Variants in PKHD1 observed in about 807,000 individuals in gnomAD.
The protein encoded by PKHD1 is PKHD1 ciliary IPT domain containing fibrocystin/polyductin.
A neutral mutation model predicts 412.0 loss-of-function variants in PKHD1; 291 were observed. The ratio of observed to expected loss-of-function variants is 0.71; its 90% CI spans 0.64 to 0.78. The LOEUF is 0.78. Among genes scored for constraint, PKHD1 ranks in the 30% least tolerant of loss-of-function variants. The probability of loss-of-function intolerance (pLI) is 0.00; values close to 1 mark genes in which losing one functional copy is unlikely to be tolerated. For synonymous variants in PKHD1, 1,777 were observed against 1,821.5 expected (o/e 0.98, Z 0.62); for missense variants, 4,825 against 4,950.7 (o/e 0.97, Z 0.76).
intron 52 of PKHD1, among the ~76,000 whole-genome samples, chr6:51,821,542 G>C (rs1401441792): frequency 1.3e-5 from 2 of 152,182 alleles, no homozygotes; most frequent in Non-Finnish European, 2.9e-5. Context: ...GAGTAATGTT[G>C]CCTGTTTTAA....
intron 55 of PKHD1, among the ~76,000 whole-genome samples, chr6:51,768,124 A>G (rs186617252): frequency 0.016 from 2,369 of 151,208 alleles, 54 homozygotes; most frequent in African/African-American, 0.053. Flanking sequence ...TCTTTTGAGA[A>G]GTGTCAGTTC....
At chr6:51,709,828 C>T (rs1013916763) in intron 60 of PKHD1, among the ~76,000 whole-genome samples, 4 of 149,298 alleles carry the variant, frequency 2.7e-5, no homozygotes, top group African/African-American at 9.9e-5. Flanking sequence ...TTTGTGTGTA[C>T]CTGACATCTA....
At chr6:51,777,579 G>A (rs999970782) in intron 53 of PKHD1, among the ~76,000 whole-genome samples, 4 of 150,432 alleles carry the variant, frequency 2.7e-5, no homozygotes, top group African/African-American at 9.8e-5. Flanking sequence ...TAGTAAATGT[G>A]TATGGCGTAG....
chr6:51,895,113 A>T (rs939147729), intron 43 of PKHD1, among the ~76,000 whole-genome samples: 2 of 152,192 alleles, frequency 1.3e-5, no homozygotes, highest in African/African-American at 4.8e-5. Context: ...ATATTTCTAA[A>T]ATATGTTCTT....
intron 53 of PKHD1, among the ~76,000 whole-genome samples, chr6:51,786,801 A>T (rs958609298): frequency 1.3e-5 from 2 of 152,166 alleles, no homozygotes; most frequent in African/African-American, 4.8e-5. Context: ...CCCCCATGGT[A>T]CTTGGCACAT....
rs1485093515 is a variant in PKHD1, at chr6:51,758,054, A to AGAGAGAG, written c.8643-3117_8643-3116insCTCTCTC. Among the ~76,000 whole-genome samples, 55 of 115,344 alleles carry AGAGAGAG rather than the reference A, an allele frequency of 4.8e-4. 1 individual carries two copies. Among genetic ancestry groups the AGAGAGAG allele is most frequent in the African/African-American group, 1.8e-3 (53 of 29,228 alleles). 75.7% of individuals were successfully genotyped at this position (115,344 alleles called of 152,430 possible). On this transcript the variant is annotated intron_variant, in intron 55 of 66. Coordinates refer to ENST00000371117, the MANE Select transcript of PKHD1 (RefSeq NM_138694.4). ...AGAGAGAGAGAGAGAGAGAGAGAGAAAACAAAGCAAACAGGAAAAAAATCA... is the reference window on the plus strand; with the variant it reads ...AGAGAGAGAGAGAGAGAGAGAGAGAAGAGAGAGAACAAAGCAAACAGGAAAAAAATCA...
At position 52,034,358 on chromosome 6, in the gene PKHD1, G is replaced by A. The variant is rs530640775; in HGVS notation, c.3229-1193C>T. Among the ~76,000 whole-genome samples, 5 of 151,560 alleles carry A rather than the reference G, an allele frequency of 3.3e-5. No individual in the cohort carries two copies. The East Asian group carries it at 9.7e-4, about 29-fold the overall frequency. On this transcript the variant is annotated intron_variant, in intron 28 of 66. Coordinates refer to ENST00000371117, the MANE Select transcript of PKHD1 (RefSeq NM_138694.4). Reference sequence around the variant, plus strand: ...AGGGGGACTTGAAGAAGGGGGAGGAGGGGCAGGAAAACATAATTTACTATT... The same window carrying A: ...AGGGGGACTTGAAGAAGGGGGAGGAAGGGCAGGAAAACATAATTTACTATT...
rs563862625 is a variant in PKHD1 at position 51,871,611 on chromosome 6, T to C, written c.7351-972A>G. Among the ~76,000 whole-genome samples the C allele has an allele frequency of 2.4e-4, 29 of 119,050 alleles. 7 individuals carry two copies. The highest frequency in any genetic ancestry group is 4.8e-4 in the Non-Finnish European group (23 of 47,880). The allele number at this position is 119,050 out of a possible 152,430, so 78.1% of individuals were successfully genotyped here. On this transcript the variant is annotated intron_variant, in intron 46 of 66. Coordinates refer to ENST00000371117, the MANE Select transcript of PKHD1 (RefSeq NM_138694.4). ...ATTGTCGTGGTGGTTGTTACACAAA[T>C]GTGTACATGTGTTAAAGCTCATAGA...
At chr6:51,908,195 A>T (rs1425465784) in intron 40 of PKHD1, among the ~76,000 whole-genome samples, 1 of 152,188 alleles carries the variant, frequency 6.6e-6, no homozygotes, top group Non-Finnish European at 1.5e-5. Context: ...AAATAAATTT[A>T]AAAAGATTGG....
At chr6:51,920,404 T>C (rs1401388551) in intron 37 of PKHD1, among the ~76,000 whole-genome samples, 1 of 152,220 alleles carries the variant, frequency 6.6e-6, no homozygotes, top group African/African-American at 2.4e-5. Context: ...TTGTCTTTGG[T>C]TCGGTTTATA....
intron 60 of PKHD1, among the ~76,000 whole-genome samples, chr6:51,744,131 G>C (rs1784903362): frequency 6.6e-6 from 1 of 152,232 alleles, no homozygotes; most frequent in Non-Finnish European, 1.5e-5. Flanking sequence ...TGTGCACTAA[G>C]TTGGGCATTG....
chr6:52,036,467 A>G (rs370758870), intron 27 of PKHD1, among the ~76,000 whole-genome samples: 1 of 152,222 alleles, frequency 6.6e-6, no homozygotes, highest in South Asian at 2.1e-4. Flanking sequence ...TAGCTAATGT[A>G]TAATGATTCT....
At chr6:52,024,519 G>A (rs1801846934) in intron 32 of PKHD1, 55 bp downstream of exon 32, 3 of 1,508,466 alleles carry the variant, frequency 2.0e-6, no homozygotes, top group Admixed American at 1.7e-5. Flanking sequence ...GAAGTGAAAG[G>A]AGCTACCAAT....
intron 60 of PKHD1, among the ~76,000 whole-genome samples, chr6:51,744,041 G>A (rs1175628247): frequency 1.3e-5 from 2 of 152,206 alleles, no homozygotes; most frequent in African/African-American, 4.8e-5. Context: ...CTGGTTCCAT[G>A]GCAGACCAGT....
chr6:51,695,696 T>C (rs1778717915), intron 60 of PKHD1, among the ~76,000 whole-genome samples: 1 of 152,216 alleles, frequency 6.6e-6, no homozygotes. Context: ...ATGGCTGCCT[T>C]ATATCCTTGG....
rs183411516 is a variant in PKHD1, at chr6:51,650,372, A to G, written c.11175-1152T>C. On this transcript the variant is annotated intron_variant, in intron 61 of 66. Transcript: ENST00000371117. ...ATGCAGACACCTGGACATCACATAT[A>G]TATGGGACCCTGACATAGAGCAACC... Among the ~76,000 whole-genome samples, 369 of 152,274 alleles carry G rather than the reference A, an allele frequency of 2.4e-3. 4 individuals are homozygous for G. Among genetic ancestry groups the G allele is most frequent in the Non-Finnish European group, 3.3e-3 (224 of 68,008 alleles).
At chr6:51,945,358 A>G (rs1431945638) in intron 36 of PKHD1, among the ~76,000 whole-genome samples, 1 of 152,194 alleles carries the variant, frequency 6.6e-6, no homozygotes, top group Non-Finnish European at 1.5e-5. Flanking sequence ...AGTAAGTCCC[A>G]TACAATTGCT....
chr6:51,638,181 C>T (rs1475697039), intron 64 of PKHD1, among the ~76,000 whole-genome samples: 1 of 151,994 alleles, frequency 6.6e-6, no homozygotes, highest in Non-Finnish European at 1.5e-5. Flanking sequence ...CTTTTATTGC[C>T]CTGTATCCAT....
At chr6:51,799,159 C>CCA (rs3062503) in intron 52 of PKHD1, among the ~76,000 whole-genome samples, 88,152 of 150,738 alleles carry the variant, frequency 0.58, 26,301 homozygotes, top group East Asian at 0.83. Flanking sequence ...AAAATTAACA[C>CCA]CACACACACA....
Sources: allele counts gnomAD v4.1 joint callset (sites outside exome capture counted in the v4.1 genomes callset), GRCh38; gene constraint gnomAD v4.1.1; transcripts MANE v1.5; gene names NCBI Gene and HGNC (gene_info 2026-07-23, HGNC 2026-07-21).